The following AMPH variants were observed in gnomAD, a reference collection of about 807,000 sequenced individuals.
The protein encoded by AMPH is amphiphysin (Stiff-Mann syndrome with breast cancer 128kD autoantigen).
In AMPH, 49 loss-of-function variants were observed where a neutral mutation model predicts 99.1. That is an observed-to-expected ratio of 0.49 (90% CI 0.39 to 0.63). The LOEUF is 0.63. AMPH is among the 20% of genes least tolerant of loss of function. The pLI is 0.00. For synonymous variants in AMPH, 314 were observed against 317.3 expected, an observed-to-expected ratio of 0.99 and a Z score of 0.11; for missense variants, 759 against 863.4, an observed-to-expected ratio of 0.88 and a Z score of 1.52.
chr7:38,467,382 C>T (rs1386138045), intron 7 of AMPH, among the ~76,000 whole-genome samples: 1 of 152,140 alleles, frequency 6.6e-6, no homozygotes, highest in African/African-American at 2.4e-5. Context: ...GCAGAGGGAC[C>T]CCACTCGCAG....
intron 17 of AMPH, among the ~76,000 whole-genome samples, chr7:38,412,139 T>C (rs1050864065): frequency 1.3e-5 from 2 of 152,118 alleles, no homozygotes; most frequent in African/African-American, 2.4e-5. Flanking sequence ...GTGATGAAAA[T>C]GTTTTGGAAC....
intron 1 of AMPH, among the ~76,000 whole-genome samples, chr7:38,603,795 G>A (rs1023786172): frequency 3.2e-4 from 48 of 152,168 alleles, no homozygotes; most frequent in African/African-American, 1.1e-3. Context: ...CTTCCCTGAG[G>A]CCTCAAAGGA....
intron 1 of AMPH, among the ~76,000 whole-genome samples, chr7:38,536,471 G>A (rs192559368): frequency 1.8e-3 from 269 of 152,144 alleles, no homozygotes; most frequent in Middle Eastern, 6.8e-3. Flanking sequence ...AATTTTCTTC[G>A]GAGCAAAAGT....
chr7:38,550,637 A>T (rs1791148476), intron 1 of AMPH, among the ~76,000 whole-genome samples: 1 of 152,194 alleles, frequency 6.6e-6, no homozygotes, highest in African/African-American at 2.4e-5. Context: ...CAGTGTAACC[A>T]TCACCTGGAT....
chr7:38,558,721 G>T (rs1791455036), intron 1 of AMPH, among the ~76,000 whole-genome samples: 1 of 152,198 alleles, frequency 6.6e-6, no homozygotes, highest in Non-Finnish European at 1.5e-5. Flanking sequence ...AGTTGCCTTA[G>T]AAAGACGCTG....
chr7:38,575,574 TCAAA>T (rs759010087), intron 1 of AMPH, among the ~76,000 whole-genome samples: 15 of 152,134 alleles, frequency 9.9e-5, no homozygotes, highest in Non-Finnish European at 2.1e-4. Flanking sequence ...CTCAAACCTC[TCAAA>T]CAAAGTTCAT....
chr7:38,503,624 T>C (rs751563469), intron 3 of AMPH, 26 bp downstream of exon 3: 8 of 1,609,498 alleles, frequency 5.0e-6, no homozygotes, highest in Middle Eastern at 1.7e-4. Flanking sequence ...CTAAGTAACA[T>C]GCAGTAAACA....
Position 38,476,974 on chromosome 7 carries a change from C to T in AMPH, c.397-5G>A, listed in dbSNP as rs1444647045. The T allele has an allele frequency of 1.9e-6, 3 of 1,612,758 alleles. No homozygotes were observed. Among genetic ancestry groups the T allele is most frequent in the Non-Finnish European group, 2.5e-6 (3 of 1,179,156 alleles). On this transcript the variant is annotated splice_polypyrimidine_tract_variant and splice_region_variant and intron_variant, in intron 5 of 20. Transcript: ENST00000356264. Reference sequence around the variant, plus strand: ...GCTGCGCTTGGCGATGCGATTCTGTCAACAGGAAATGCACTCACTAAGAAA... The same window carrying T: ...GCTGCGCTTGGCGATGCGATTCTGTTAACAGGAAATGCACTCACTAAGAAA...
At chr7:38,492,277 G>C (rs1345917996) in intron 4 of AMPH, among the ~76,000 whole-genome samples, 2 of 152,190 alleles carry the variant, frequency 1.3e-5, no homozygotes, top group Non-Finnish European at 1.5e-5. Flanking sequence ...GGAGTGGGCT[G>C]TCTTCCAGAC....
chr7:38,467,670 G>C (rs1787714866), intron 7 of AMPH, among the ~76,000 whole-genome samples: 1 of 140,446 alleles, frequency 7.1e-6, no homozygotes, highest in Non-Finnish European at 1.6e-5. Flanking sequence ...GTGTGTAAGA[G>C]AAATAAGCAG....
At chr7:38,466,860 T>C in intron 7 of AMPH, among the ~76,000 whole-genome samples, 1 of 152,178 alleles carries the variant, frequency 6.6e-6, no homozygotes, top group East Asian at 1.9e-4. Context: ...AAACATAAGC[T>C]GCCCCTTCAT....
At chr7:38,505,784 C>T in intron 2 of AMPH, among the ~76,000 whole-genome samples, 1 of 151,972 alleles carries the variant, frequency 6.6e-6, no homozygotes, top group East Asian at 1.9e-4. Context: ...CATATTGCAA[C>T]AAAAGAAGTG....
intron 7 of AMPH, among the ~76,000 whole-genome samples, chr7:38,470,175 CT>C (rs1210141807): frequency 6.6e-6 from 1 of 152,154 alleles, no homozygotes; most frequent in Non-Finnish European, 1.5e-5. Flanking sequence ...ATTATTCCAC[CT>C]TTACCACAAC....
At chr7:38,503,752 T>C in intron 2 of AMPH, 48 bp from the exon 3 acceptor site, 2 of 1,583,270 alleles carry the variant, frequency 1.3e-6, no homozygotes, top group Non-Finnish European at 1.7e-6. Context: ...ATATTCTGCA[T>C]GAAAACATGT....
chr7:38,412,917 G>A (rs1223531794), intron 17 of AMPH, among the ~76,000 whole-genome samples: 11 of 152,166 alleles, frequency 7.2e-5, no homozygotes, highest in Admixed American at 7.2e-4. Flanking sequence ...ATTTTGATGG[G>A]ACACAGCTTG....
chr7:38,535,057 A>G, intron 1 of AMPH, 46 bp from the exon 2 acceptor site: 1 of 1,546,116 alleles, frequency 6.5e-7, no homozygotes, highest in South Asian at 1.1e-5. Context: ...TAATGTTTTC[A>G]AAGAAAGATG....
intron 14 of AMPH, 185 bp downstream of exon 14, chr7:38,429,655 AAC>A: frequency 7.3e-7 from 1 of 1,371,072 alleles, no homozygotes; most frequent in Non-Finnish European, 9.7e-7. Context: ...TTTGATGAGA[AAC>A]ACAAAGCTCT....
At chr7:38,410,858 C>A (rs900051196) in intron 17 of AMPH, among the ~76,000 whole-genome samples, 2 of 152,164 alleles carry the variant, frequency 1.3e-5, no homozygotes, top group African/African-American at 2.4e-5. Context: ...TGAGGCTGCA[C>A]AGAGTTTCTG....
intron 7 of AMPH, among the ~76,000 whole-genome samples, chr7:38,471,077 C>CTG (rs747957624): frequency 1.3e-5 from 2 of 152,176 alleles, no homozygotes; most frequent in Non-Finnish European, 2.9e-5. Context: ...GTTCTTCACA[C>CTG]ACAGTAGGTG....
Sources: allele counts gnomAD v4.1 joint callset (sites outside exome capture counted in the v4.1 genomes callset), GRCh38; gene constraint gnomAD v4.1.1; transcripts MANE v1.5; gene names NCBI Gene and HGNC (gene_info 2026-07-23, HGNC 2026-07-21).